TCP11L2: variants seen among roughly 807,000 people sequenced by gnomAD.
The protein encoded by TCP11L2 is T-complex protein 11-like protein 2.
A neutral mutation model predicts 50.7 loss-of-function variants in TCP11L2; 39 were observed. The ratio of observed to expected loss-of-function variants is 0.77; its 90% CI spans 0.60 to 1.01. The LOEUF (loss-of-function observed/expected upper bound fraction) is 1.01, where lower values mean the gene tolerates loss of function less well. Among genes scored for constraint, TCP11L2 ranks in the 50% least tolerant of loss-of-function variants. The probability of loss-of-function intolerance (pLI) is 0.00; values close to 1 mark genes in which losing one functional copy is unlikely to be tolerated. For synonymous variants in TCP11L2, 192 were observed against 219.3 expected (o/e 0.88, Z 1.10); for missense variants, 612 against 614.7 (o/e 1.00, Z 0.05).
At chr12:106,320,412 GA>G (rs1184991181) in intron 4 of TCP11L2, among the ~76,000 whole-genome samples, 1 of 151,964 alleles carries the variant, frequency 6.6e-6, no homozygotes, top group African/African-American at 2.4e-5. Context: ...AAAAAGAAAA[GA>G]AAAGAAAGAA....
chr12:106,334,337 C>T (rs182816177), intron 6 of TCP11L2, among the ~76,000 whole-genome samples: 135 of 152,254 alleles, frequency 8.9e-4, no homozygotes, highest in African/African-American at 3.2e-3. Context: ...ATTTCAGAAC[C>T]TCTCTAGCCT....
At chr12:106,340,748 A>C (rs1385290327) in intron 8 of TCP11L2, 78 bp from the exon 9 acceptor site, 7 of 1,285,440 alleles carry the variant, frequency 5.4e-6, no homozygotes, top group Non-Finnish European at 6.4e-6. Flanking sequence ...TAGACATCTA[A>C]AACAAGTCTG....
intron 1 of TCP11L2, among the ~76,000 whole-genome samples, chr12:106,305,815 C>T (rs1476889766): frequency 1.3e-5 from 2 of 152,152 alleles, no homozygotes; most frequent in African/African-American, 4.8e-5. Flanking sequence ...GGGCAGAGAA[C>T]AGCAGGTATG....
chr12:106,334,803 T>C (rs2035857325), intron 6 of TCP11L2, among the ~76,000 whole-genome samples: 1 of 152,000 alleles, frequency 6.6e-6, no homozygotes, highest in Non-Finnish European at 1.5e-5. Flanking sequence ...TATCTGGGTG[T>C]GGTGGTGCAC....
chr12:106,326,575 A>T (rs745351857), intron 6 of TCP11L2, among the ~76,000 whole-genome samples: 1 of 152,192 alleles, frequency 6.6e-6, no homozygotes, highest in Non-Finnish European at 1.5e-5. Flanking sequence ...TTAGTAGTCT[A>T]TGCAAGCATC....
chr12:106,309,901 A>G (rs1305719904), intron 1 of TCP11L2, among the ~76,000 whole-genome samples: 1 of 152,128 alleles, frequency 6.6e-6, no homozygotes, highest in Non-Finnish European at 1.5e-5. Context: ...TGGCCGCTTT[A>G]AAAGCACTGC....
At chr12:106,329,459 A>G (rs2035671339) in intron 6 of TCP11L2, 1 of 1,531,370 alleles carries the variant, frequency 6.5e-7, no homozygotes, top group Non-Finnish European at 8.7e-7. Flanking sequence ...GTTTCACTCT[A>G]AACGCATGCT....
intron 6 of TCP11L2, among the ~76,000 whole-genome samples, chr12:106,328,468 T>TGGGAGGCGGAGGCTGCA (rs1486897937): frequency 6.6e-6 from 1 of 152,158 alleles, no homozygotes; most frequent in Admixed American, 6.6e-5. Context: ...GGCTTGAACC[T>TGGGAGGCGGAGGCTGCA]GGGAGGCGGA....
At chr12:106,332,723 G>A (rs1352290447) in intron 6 of TCP11L2, among the ~76,000 whole-genome samples, 2 of 148,288 alleles carry the variant, frequency 1.3e-5, no homozygotes, top group Non-Finnish European at 3.0e-5. Flanking sequence ...GTGTGCAGAT[G>A]GAAAGAAAAA....
In TCP11L2 at chr12:106,314,486, G is replaced by T; in HGVS notation, c.286G>T (p.Glu96Ter). 6.2e-7 allele frequency: 1 copy of T among 1,604,386 alleles called. No individual in the cohort carries two copies. The highest frequency in any genetic ancestry group is 2.3e-5 in the East Asian group (1 of 43,880). ...NFQLKQEALP[E>*]KSLAGRVKHI... ...TCAATTGAAACAAGAGGCTCTCCCAGAAAAGAGGTAACCTGGGGGCATTTG... is the reference window on the plus strand; with the variant it reads ...TCAATTGAAACAAGAGGCTCTCCCATAAAAGAGGTAACCTGGGGGCATTTG... The change falls in exon 3 of 10, where the codon GAA becomes TAA. Residue 96 changes from glutamate (E) to a stop codon, truncating the protein, a stop_gained. Coordinates refer to ENST00000299045, the MANE Select transcript of TCP11L2 (RefSeq NM_152772.3). LOFTEE classifies it high-confidence loss of function.
chr12:106,300,415 C>T (rs994805523), upstream of TCP11L2, among the ~76,000 whole-genome samples: 1 of 152,210 alleles, frequency 6.6e-6, no homozygotes, highest in Admixed American at 6.5e-5. Flanking sequence ...CTGCAACCTC[C>T]ACCTCCCAGG....
chr12:106,338,269 A>G (rs2035984447), intron 8 of TCP11L2, among the ~76,000 whole-genome samples: 1 of 152,156 alleles, frequency 6.6e-6, no homozygotes, highest in Non-Finnish European at 1.5e-5. Flanking sequence ...TGATTTCATC[A>G]CCCAGGTAGT....
rs767250556 is a variant in TCP11L2, at chr12:106,335,774, A to G, written c.908A>G (p.Asn303Ser). 1.2e-6 allele frequency: 2 copies of G among 1,614,222 alleles called. No homozygotes were observed. Among genetic ancestry groups the G allele is most frequent in the South Asian group, 1.1e-5 (1 of 91,086 alleles). Residue 303 changes from asparagine (N) to serine (S), a missense_variant, in exon 7 of 10, where the codon AAT (asparagine) becomes AGT (serine). By Grantham distance (46) the Asn-to-Ser change is conservative (BLOSUM62 1). Transcript: ENST00000299045. ...PSLSPTLVLN[N>S]SYLKLLQWDY... ...CTGAGCCCTACTTTGGTGCTAAATA[A>G]TAGTTACTTGAAACTGTTACAGTGG...
chr12:106,300,864 G>A (rs1462885621), upstream of TCP11L2, among the ~76,000 whole-genome samples: 1 of 152,182 alleles, frequency 6.6e-6, no homozygotes, highest in African/African-American at 2.4e-5. Flanking sequence ...TCATGCCTAG[G>A]ATCAGGCAGC....
At chr12:106,337,965 G>A (rs145333531) in intron 8 of TCP11L2, among the ~76,000 whole-genome samples, 11 of 152,108 alleles carry the variant, frequency 7.2e-5, no homozygotes, top group African/African-American at 2.7e-4. Flanking sequence ...TACGGATGGG[G>A]CAATAGCATT....
At chr12:106,304,664 TAC>T (rs1246708668) in intron 1 of TCP11L2, among the ~76,000 whole-genome samples, 1 of 152,244 alleles carries the variant, frequency 6.6e-6, no homozygotes, top group East Asian at 1.9e-4. Flanking sequence ...TGAAGGATGG[TAC>T]ACACTAGAAG....
upstream of TCP11L2, among the ~76,000 whole-genome samples, chr12:106,299,139 T>G (rs1040959738): frequency 6.6e-6 from 1 of 152,136 alleles, no homozygotes; most frequent in Non-Finnish European, 1.5e-5. Flanking sequence ...TTTGTTTTTG[T>G]TTTTTTCAAT....
intron 2 of TCP11L2, among the ~76,000 whole-genome samples, chr12:106,313,829 G>T (rs960156036): frequency 6.4e-5 from 9 of 141,320 alleles, no homozygotes; most frequent in Non-Finnish European, 1.2e-4. Flanking sequence ...GCAGTGGCAC[G>T]ATCTTGGCTC....
chr12:106,326,132 T>A (rs536505082), intron 6 of TCP11L2, among the ~76,000 whole-genome samples: 109 of 152,202 alleles, frequency 7.2e-4, no homozygotes, highest in Non-Finnish European at 1.1e-3. Context: ...GGGGTTTAAT[T>A]AACCACTATT....
Sources: allele counts gnomAD v4.1 joint callset (sites outside exome capture counted in the v4.1 genomes callset), GRCh38; gene constraint gnomAD v4.1.1; transcripts MANE v1.5; gene names NCBI Gene and HGNC (gene_info 2026-07-23, HGNC 2026-07-21).